CCDC60: variants seen among roughly 807,000 people sequenced by gnomAD.
CCDC60 encodes coiled-coil domain-containing protein 60.
CCDC60 carries 54 observed loss-of-function variants against 63.5 expected under a neutral mutation model. That is an observed-to-expected ratio of 0.85 (90% CI 0.68 to 1.07). The LOEUF (loss-of-function observed/expected upper bound fraction) is 1.07. Among genes scored for constraint, CCDC60 ranks in the 50% least tolerant of loss-of-function variants. The probability of loss-of-function intolerance (pLI) is 0.00; values close to 1 mark genes in which losing one functional copy is unlikely to be tolerated. For missense variants in CCDC60, 651 were observed against 684.3 expected (o/e 0.95, Z 0.54); for synonymous variants, 206 against 238.8 (o/e 0.86, Z 1.27).
chr12:119,462,531 C>A (rs1005171941), intron 2 of CCDC60, among the ~76,000 whole-genome samples: 2 of 151,956 alleles, frequency 1.3e-5, no homozygotes, highest in African/African-American at 2.4e-5. Flanking sequence ...GTTTCTAATT[C>A]TTTTTAGAAT....
intron 1 of CCDC60, chr12:119,388,235 G>A (rs548422698): frequency 6.6e-6 from 1 of 152,332 alleles, no homozygotes; most frequent in African/African-American, 2.4e-5. Context: ...CCTTGGCCAG[G>A]ATTGAGCTGC....
In CCDC60 at chr12:119,456,779, C is replaced by T. The variant is rs970780735; in HGVS notation, c.171-15215C>T. ...CCATGGCATTGGTAAACTGTCATGG[C>T]GCTGACAGGAGTGTAGCAGTGAGGA... On this transcript the variant is annotated intron_variant, in intron 2 of 13. Coordinates refer to ENST00000327554, the MANE Select transcript of CCDC60 (RefSeq NM_178499.5). This position sits in a 1 kb window ranked among gnomAD's most constrained non-coding sequence, Gnocchi z 4.6. Among the ~76,000 whole-genome samples, 22 of 152,140 alleles carry T rather than the reference C, an allele frequency of 1.4e-4. No individual in the cohort carries two copies. Among genetic ancestry groups the T allele is most frequent in the African/African-American group, 4.8e-4 (20 of 41,436 alleles).
intron 10 of CCDC60, among the ~76,000 whole-genome samples, chr12:119,523,233 T>A (rs2136501245): frequency 6.6e-6 from 1 of 152,326 alleles, no homozygotes; most frequent in East Asian, 1.9e-4. Flanking sequence ...ATGAAAAGCA[T>A]TCTGTCTTCA....
In CCDC60 at chr12:119,465,863, T is replaced by C. The variant is rs530288319; in HGVS notation, c.171-6131T>C. Among the ~76,000 whole-genome samples, 7 of 152,356 alleles carry C rather than the reference T, an allele frequency of 4.6e-5. No individual in the cohort carries two copies. In the East Asian group the frequency reaches 1.3e-3, roughly 29 times the overall value. ...TTCTCCAGACCATGGCCACTCATAC[T>C]GGCATAAACCTCTTTGGAATATTTT... On this transcript the variant is annotated intron_variant, in intron 2 of 13. Transcript: ENST00000327554.
rs1956578905 is a variant in CCDC60, at chr12:119,410,585, C to T, written c.91-18098C>T. Among the ~76,000 whole-genome samples the T allele has an allele frequency of 6.6e-6, 1 of 152,024 alleles. No homozygotes were observed. Among genetic ancestry groups the T allele is most frequent in the Non-Finnish European group, 1.5e-5 (1 of 68,000 alleles). ...CCCAATACACACACACACACAGGCACACACACACATCCCATACTCTGCATT... is the reference window on the plus strand; with the variant it reads ...CCCAATACACACACACACACAGGCATACACACACATCCCATACTCTGCATT... On this transcript the variant is annotated intron_variant, in intron 1 of 13. Coordinates refer to ENST00000327554, the MANE Select transcript of CCDC60 (RefSeq NM_178499.5). This position sits in a 1 kb window ranked among gnomAD's most constrained non-coding sequence, Gnocchi z 4.0.
chr12:119,420,378 A>T lies in CCDC60; in HGVS notation c.91-8305A>T, dbSNP rs1593062232. On this transcript the variant is annotated intron_variant, in intron 1 of 13. Coordinates refer to ENST00000327554, the MANE Select transcript of CCDC60 (RefSeq NM_178499.5). This position sits in a 1 kb window ranked among gnomAD's most constrained non-coding sequence, Gnocchi z 4.1. The stretch of plus-strand genomic sequence containing the variant: ...TGGAGTATTATTCAGCTACAAAAAA[A>T]AGAGTGAGATCCAGTTATTTGCAAC... 6.6e-6 allele frequency among the ~76,000 whole-genome samples: 1 copy of T among 152,240 alleles called. No homozygotes were observed. Among genetic ancestry groups the T allele is most frequent in the Non-Finnish European group, 1.5e-5 (1 of 68,044 alleles).
At chr12:119,372,896 G>T (rs10774493) in intron 1 of CCDC60, among the ~76,000 whole-genome samples, 32,232 of 152,078 alleles carry the variant, frequency 0.21, 4,211 homozygotes, top group Middle Eastern at 0.32. Flanking sequence ...CTAACAAGGC[G>T]TTTCAAAAGC....
intron 1 of CCDC60, among the ~76,000 whole-genome samples, chr12:119,381,325 G>C (rs1956005575): frequency 6.6e-6 from 1 of 152,158 alleles, no homozygotes; most frequent in African/African-American, 2.4e-5. Context: ...TGGGCTTAGG[G>C]TCTTTATGAT....
intron 11 of CCDC60, 101 bp downstream of exon 11, chr12:119,523,919 G>C: frequency 7.9e-7 from 1 of 1,257,960 alleles, no homozygotes; most frequent in Non-Finnish European, 1.1e-6. Context: ...CAAACAAGAA[G>C]AACTTGTTCT....
intron 10 of CCDC60, 80 bp from the exon 11 acceptor site, chr12:119,523,612 AG>A (rs1416154828): frequency 3.8e-6 from 6 of 1,587,074 alleles, no homozygotes; most frequent in African/African-American, 1.3e-5. Context: ...CTTGGGGCTA[AG>A]GGGGGCCAGA....
intron 3 of CCDC60, among the ~76,000 whole-genome samples, chr12:119,478,103 CAGG>C (rs1162966252): frequency 6.6e-6 from 1 of 152,058 alleles, no homozygotes; most frequent in Non-Finnish European, 1.5e-5. Context: ...CACTTGAGGA[CAGG>C]AGTTCAAGAC....
chr12:119,367,146 C>T (rs755651642), intron 1 of CCDC60, among the ~76,000 whole-genome samples: 4 of 152,148 alleles, frequency 2.6e-5, no homozygotes, highest in Non-Finnish European at 4.4e-5. Flanking sequence ...AAACACGTAT[C>T]ATACTTGCTA....
At chr12:119,411,930 TG>T (rs1956610127) in intron 1 of CCDC60, among the ~76,000 whole-genome samples, 1 of 152,018 alleles carries the variant, frequency 6.6e-6, no homozygotes, top group South Asian at 2.1e-4. Context: ...TTTCCTACAT[TG>T]TAGTTAAGTG....
At chr12:119,454,121 C>A (rs1011579188) in intron 2 of CCDC60, among the ~76,000 whole-genome samples, 4 of 152,096 alleles carry the variant, frequency 2.6e-5, no homozygotes, top group African/African-American at 7.2e-5. Flanking sequence ...ATAAGGAAAT[C>A]ATGGCCAGTT....
intron 2 of CCDC60, among the ~76,000 whole-genome samples, chr12:119,458,055 TC>T (rs1950780711): frequency 6.6e-6 from 1 of 152,200 alleles, no homozygotes; most frequent in Non-Finnish European, 1.5e-5. Context: ...CTTCATTCCA[TC>T]ATTTTTGCCC....
At chr12:119,417,686 T>C (rs1409194806) in intron 1 of CCDC60, among the ~76,000 whole-genome samples, 1 of 152,036 alleles carries the variant, frequency 6.6e-6, no homozygotes, top group Non-Finnish European at 1.5e-5. Context: ...CAAGAAGAGG[T>C]ACTGACATAG....
chr12:119,466,840 A>T (rs1950962717), intron 2 of CCDC60, among the ~76,000 whole-genome samples: 1 of 152,142 alleles, frequency 6.6e-6, no homozygotes, highest in Non-Finnish European at 1.5e-5. Flanking sequence ...AGGAGGTGGG[A>T]CTTAACACCA....
At chr12:119,351,360 C>T (rs1193436355) in intron 1 of CCDC60, among the ~76,000 whole-genome samples, 1 of 152,202 alleles carries the variant, frequency 6.6e-6, no homozygotes, top group East Asian at 1.9e-4. Flanking sequence ...TCCATACCAT[C>T]TGTATTAGTC....
chr12:119,508,363 C>T (rs1036991235), intron 7 of CCDC60, among the ~76,000 whole-genome samples: 4 of 151,922 alleles, frequency 2.6e-5, no homozygotes, highest in African/African-American at 9.7e-5. Flanking sequence ...TGCCTGTAGT[C>T]CCAGCTACTC....
Sources: gnomAD v4.1 joint callset for allele counts (sites outside exome capture counted in the v4.1 genomes callset) on GRCh38, gnomAD v4.1.1 for gene constraint, Gnocchi (gnomAD v3.1) non-coding constraint, MANE v1.5 for transcripts, NCBI Gene and HGNC (gene_info 2026-07-23, HGNC 2026-07-21) for gene names.